CSMD1: variants seen among roughly 807,000 people sequenced by gnomAD.
CSMD1 encodes CUB and sushi domain-containing protein 1.
A neutral mutation model predicts 417.5 loss-of-function variants in CSMD1; 213 were observed. The observed-to-expected ratio is 0.51, with a 90% CI of 0.46 to 0.57. The LOEUF is 0.57. Among genes scored for constraint, CSMD1 ranks in the 20% least tolerant of loss-of-function variants. The pLI, the probability that CSMD1 is intolerant of heterozygous loss-of-function variation, is 0.00. For missense variants in CSMD1, 6,923 were observed against 4,529.7 expected (o/e 1.53, Z -15.17); for synonymous variants, 2,862 against 1,736.8 (o/e 1.65, Z -16.11).
chr8:4,906,772 T>G (rs906971771), intron 1 of CSMD1, among the ~76,000 whole-genome samples: 2 of 152,062 alleles, frequency 1.3e-5, no homozygotes, highest in African/African-American at 4.8e-5. Context: ...GCTGGCCAGG[T>G]TGGTCTCCAA....
intron 1 of CSMD1, among the ~76,000 whole-genome samples, chr8:4,908,386 G>C (rs1349907446): frequency 6.6e-6 from 1 of 152,136 alleles, no homozygotes; most frequent in Non-Finnish European, 1.5e-5. Context: ...TGGTTCTGTA[G>C]TTTAGTGTCT....
At chr8:4,529,143 G>A (rs1003559818) in intron 2 of CSMD1, among the ~76,000 whole-genome samples, 1 of 152,132 alleles carries the variant, frequency 6.6e-6, no homozygotes, top group Non-Finnish European at 1.5e-5. Context: ...CTCAAAGTAT[G>A]TTCCAGGGAC....
chr8:3,497,803 T>G (rs1020439061), intron 10 of CSMD1, among the ~76,000 whole-genome samples: 1 of 152,236 alleles, frequency 6.6e-6, no homozygotes, highest in Non-Finnish European at 1.5e-5. Flanking sequence ...CCATTCTCAT[T>G]CTCTTCTTGG....
intron 1 of CSMD1, among the ~76,000 whole-genome samples, chr8:4,652,418 G>C (rs575832553): frequency 6.6e-6 from 1 of 152,164 alleles, no homozygotes; most frequent in East Asian, 1.9e-4. Context: ...TTGGGAGGAA[G>C]TGGGAATTTC....
At chr8:4,658,353 A>G (rs976085821) in intron 1 of CSMD1, among the ~76,000 whole-genome samples, 1 of 152,134 alleles carries the variant, frequency 6.6e-6, no homozygotes. Context: ...AGATGGCAAG[A>G]CAGAAGTAAC....
chr8:3,006,845 T>C (rs1189401703), intron 52 of CSMD1, among the ~76,000 whole-genome samples: 1 of 145,964 alleles, frequency 6.9e-6, no homozygotes, highest in African/African-American at 2.8e-5. Context: ...GGCATTACCA[T>C]TCAGGACATA....
chr8:4,900,555 T>C (rs1163397532), intron 1 of CSMD1, among the ~76,000 whole-genome samples: 1 of 152,186 alleles, frequency 6.6e-6, no homozygotes, highest in African/African-American at 2.4e-5. Context: ...CTGATGTGCA[T>C]GCTTCTCCCA....
chr8:4,695,277 G>C (rs1002130482), intron 1 of CSMD1, among the ~76,000 whole-genome samples: 2 of 152,296 alleles, frequency 1.3e-5, no homozygotes, highest in Non-Finnish European at 2.9e-5. Context: ...CTCTCTCTCT[G>C]ACCCTGTACA....
At chr8:4,681,226 G>A (rs1806031088) in intron 1 of CSMD1, among the ~76,000 whole-genome samples, 1 of 152,100 alleles carries the variant, frequency 6.6e-6, no homozygotes, top group Admixed American at 6.6e-5. Context: ...GAGGTCATTT[G>A]AAAATAAGAC....
chr8:4,287,590 C>A (rs1455817197), intron 3 of CSMD1, among the ~76,000 whole-genome samples: 1 of 151,960 alleles, frequency 6.6e-6, no homozygotes, highest in Non-Finnish European at 1.5e-5. Context: ...TTATTACCTT[C>A]CAGGGACCAG....
In CSMD1 at chr8:2,937,869, T is replaced by A. The variant is rs1268834083; in HGVS notation, c.*716A>T. On this transcript the variant is annotated 3_prime_UTR_variant, in exon 70 of 70. Coordinates refer to ENST00000635120, the MANE Select transcript of CSMD1 (RefSeq NM_033225.6). ...GCTTATATACAATGGATAGTGTGTA[T>A]AAACCCTGTGTAAATAATTTATTTT... 6.7e-6 allele frequency: 1 copy of A among 149,808 alleles called. No homozygotes were observed. Among genetic ancestry groups the A allele is most frequent in the Non-Finnish European group, 1.5e-5 (1 of 67,222 alleles). 9.3% of individuals were successfully genotyped at this position (149,808 alleles called of 1,614,324 possible). A position where few individuals can be genotyped will look rare whatever the true frequency, so the allele number is the denominator to read the frequency against.
At chr8:3,409,119 T>C (rs1005237363) in intron 13 of CSMD1, among the ~76,000 whole-genome samples, 6 of 152,234 alleles carry the variant, frequency 3.9e-5, no homozygotes, top group African/African-American at 7.2e-5. Context: ...TGATGTCTGA[T>C]ACAGCAGATC....
intron 2 of CSMD1, among the ~76,000 whole-genome samples, chr8:4,503,630 C>G (rs1802372844): frequency 6.6e-6 from 1 of 152,122 alleles, no homozygotes; most frequent in Non-Finnish European, 1.5e-5. Flanking sequence ...ATGATCATCA[C>G]TGCAACCGAG....
intron 1 of CSMD1, among the ~76,000 whole-genome samples, chr8:4,945,710 A>C (rs1808319045): frequency 1.3e-5 from 2 of 152,096 alleles, no homozygotes; most frequent in African/African-American, 4.8e-5. Context: ...CAAAGAGAAA[A>C]CTAATTACAG....
intron 3 of CSMD1, among the ~76,000 whole-genome samples, chr8:4,139,223 T>C (rs1376229534): frequency 6.6e-6 from 1 of 152,216 alleles, no homozygotes; most frequent in African/African-American, 2.4e-5. Flanking sequence ...AGTGTCCTAG[T>C]GGTGCTTTAA....
intron 2 of CSMD1, among the ~76,000 whole-genome samples, chr8:4,562,292 T>A (rs1327413195): frequency 6.6e-6 from 1 of 152,164 alleles, no homozygotes; most frequent in Admixed American, 6.5e-5. Context: ...GACAACCTGC[T>A]GGAGTGGAGG....
intron 5 of CSMD1, among the ~76,000 whole-genome samples, chr8:3,985,832 C>G (rs1310737211): frequency 6.6e-6 from 1 of 150,930 alleles, no homozygotes; most frequent in African/African-American, 2.4e-5. Context: ...TTCTTCAATG[C>G]TGAGACTGTA....
intron 3 of CSMD1, among the ~76,000 whole-genome samples, chr8:4,100,322 C>G (rs985164174): frequency 2.0e-5 from 3 of 152,104 alleles, no homozygotes; most frequent in Non-Finnish European, 2.9e-5. Context: ...AAACCTTCAC[C>G]AAATGAATGC....
At chr8:3,008,373 C>A (rs1808121078) in intron 52 of CSMD1, among the ~76,000 whole-genome samples, 1 of 152,190 alleles carries the variant, frequency 6.6e-6, no homozygotes, top group Non-Finnish European at 1.5e-5. Flanking sequence ...GTGTGGCCCA[C>A]CCTTAGACCA....
Sources: allele counts gnomAD v4.1 joint callset (sites outside exome capture counted in the v4.1 genomes callset), GRCh38; gene constraint gnomAD v4.1.1; transcripts MANE v1.5; gene names NCBI Gene and HGNC (gene_info 2026-07-23, HGNC 2026-07-21).